The following RNF126 variants were observed in gnomAD, a reference collection of about 807,000 sequenced individuals.
RNF126 encodes the protein ring finger protein 126.
In RNF126, 20 loss-of-function variants were observed where a neutral mutation model predicts 41.9. That is an observed-to-expected ratio of 0.48 (90% CI 0.34 to 0.69). The LOEUF is 0.69. Ranked by LOEUF, RNF126 falls within the 30% of genes least tolerant of loss-of-function variation. The pLI is 0.01. For missense variants in RNF126, 433 were observed against 460.6 expected (o/e 0.94, Z 0.55); for synonymous variants, 239 against 202.9 (o/e 1.18, Z -1.51).
In RNF126 at chr19:652,842, G is replaced by T; in HGVS notation, c.118C>A (p.Leu40Ile). 1 of 1,613,236 alleles carries T rather than the reference G, an allele frequency of 6.2e-7. No individual in the cohort carries two copies. Among genetic ancestry groups the T allele is most frequent in the Non-Finnish European group, 8.5e-7 (1 of 1,179,750 alleles). ...CTGCATTACCTGGTCTCTTCCGGAAGCTCCTCGATAAAACCAGACTCGCAT... is the reference window on the plus strand; with the variant it reads ...CTGCATTACCTGGTCTCTTCCGGAATCTCCTCGATAAAACCAGACTCGCAT... The part of the protein sequence containing the change: ...PRCESGFIEE[L>I]PEETRSTENG... Residue 40 changes from leucine to isoleucine, a missense_variant, in exon 2 of 9, where the codon CTT becomes ATT. By Grantham distance (5) the Leu-to-Ile change is conservative. Around this residue, in one of 5 missense-constraint regions of RNF126, gnomAD observed 247 missense variants for 224.7 expected, o/e 1.10. Transcript: ENST00000292363.
intron 2 of RNF126, 47 bp from the exon 3 acceptor site, chr19:652,343 A>G: frequency 1.4e-6 from 2 of 1,472,892 alleles, no homozygotes; most frequent in Non-Finnish European, 1.8e-6. Flanking sequence ...CTGTGCCCCC[A>G]TGCGCCAGGC....
chr19:653,683 C>T (rs1032888441), intron 1 of RNF126, among the ~76,000 whole-genome samples: 2 of 152,220 alleles, frequency 1.3e-5, no homozygotes, highest in African/African-American at 4.8e-5. Flanking sequence ...TGCATGGTGC[C>T]TCCCGGCCTC....
chr19:663,211 G>T lies in RNF126; in HGVS notation c.-90C>A, dbSNP rs996256345. The T allele has an allele frequency of 3.8e-5, 13 of 338,754 alleles. No homozygotes were observed. Among genetic ancestry groups the T allele is most frequent in the Non-Finnish European group, 5.2e-5 (12 of 229,892 alleles). The allele number at this position is 338,754 out of a possible 1,614,324, so 21.0% of individuals were successfully genotyped here. A position where few individuals can be genotyped will look rare whatever the true frequency, so the allele number is the denominator to read the frequency against. On this transcript the variant is annotated 5_prime_UTR_variant, in exon 1 of 9. Coordinates refer to ENST00000292363, the MANE Select transcript of RNF126 (RefSeq NM_194460.3). ...CTCCCTCGCCGGCCGACGCGCCCGCGCACGCTCACGCACGGCACGCACGGC... is the reference window on the plus strand; with the variant it reads ...CTCCCTCGCCGGCCGACGCGCCCGCTCACGCTCACGCACGGCACGCACGGC...
chr19:650,271 T>C lies in RNF126; in HGVS notation c.469A>G (p.Ile157Val), dbSNP rs2030211937. 2 of 1,582,590 alleles carry C rather than the reference T, an allele frequency of 1.3e-6. No homozygotes were observed. The highest frequency in any genetic ancestry group is 1.3e-5 in the African/African-American group (1 of 74,800). The part of the protein sequence containing the change: ...EGIIQQLVNG[I>V]ITPATIPSLG... ...CTGGGGATGGTGGCGGGCGTGATGA[T>C]GCCGTTGACGAGCTGCTGGATGATC... The change falls in exon 5 of 9, where the codon ATC becomes GTC. Residue 157 changes from isoleucine (I) to valine (V), a missense_variant. Around this residue, in one of 5 missense-constraint regions of RNF126, gnomAD observed 22 missense variants for 45.7 expected, o/e 0.48. Coordinates refer to ENST00000292363, the MANE Select transcript of RNF126 (RefSeq NM_194460.3).
At chr19:661,461 C>CAAGGCTCAG (rs1218475865) in intron 1 of RNF126, 1 of 152,310 alleles carries the variant, frequency 6.6e-6, no homozygotes, top group Non-Finnish European at 1.5e-5. Flanking sequence ...AGGAGTAAGG[C>CAAGGCTCAG]AAGGCTCAGT....
chr19:651,731 G>C lies in RNF126; in HGVS notation c.323C>G (p.Pro108Arg). The part of the protein sequence containing the change: ...PGAQADDGRD[P>R]ESRRERDHPS... ...ATGGTCTCTCTCCCGCCGGCTCTCA[G>C]GGTCCCTGCCGTCGTCAGCCTGCGC... is the stretch of plus-strand genomic sequence containing the variant. Residue 108 changes from proline (P) to arginine (R), a missense_variant, in exon 4 of 9, where the codon CCT becomes CGT. By Grantham distance (103) the Pro-to-Arg change is moderately radical. Around this residue, in one of 5 missense-constraint regions of RNF126, gnomAD observed 247 missense variants for 224.7 expected, o/e 1.10. Transcript: ENST00000292363. 12 of 1,611,978 alleles carry C rather than the reference G, an allele frequency of 7.4e-6. No homozygotes were observed. Among genetic ancestry groups the C allele is most frequent in the Non-Finnish European group, 1.0e-5 (12 of 1,179,582 alleles).
chr19:651,556 G>C, intron 4 of RNF126, 55 bp downstream of exon 4: 7 of 1,375,560 alleles, frequency 5.1e-6, no homozygotes, highest in Non-Finnish European at 6.6e-6. Context: ...CTAAGCGCCA[G>C]AACTTCCGAC....
chr19:648,343 GTGGGGGGGCGGGTGGGC>G lies in RNF126; in HGVS notation c.786+12_786+28del. ...TAGAGGCGGGAGGGCCGCGGTCGGG[GTGGGGGGGCGGGTGGGC>G]GGGGCACTCACCTGCTCCAGCCAGG... On this transcript the variant is annotated intron_variant, in intron 8 of 8. Transcript: ENST00000292363. 2 of 739,582 alleles carry G rather than the reference GTGGGGGGGCGGGTGGGC, an allele frequency of 2.7e-6. No individual in the cohort carries two copies. Among genetic ancestry groups the G allele is most frequent in the Non-Finnish European group, 4.1e-6 (2 of 490,082 alleles). 45.8% of individuals were successfully genotyped at this position (739,582 alleles called of 1,614,324 possible).
At chr19:655,879 G>C (rs2030542770) in intron 1 of RNF126, among the ~76,000 whole-genome samples, 1 of 152,124 alleles carries the variant, frequency 6.6e-6, no homozygotes, top group Admixed American at 6.5e-5. Context: ...ACCAGGCCAC[G>C]GCGGGGGGGA....
chr19:648,356 T>C lies in RNF126; in HGVS notation c.786+16A>G. The C allele has an allele frequency of 3.4e-5, 6 of 174,752 alleles. No individual in the cohort carries two copies. The highest frequency in any genetic ancestry group is 5.7e-5 in the Non-Finnish European group (6 of 105,338). The allele number at this position is 174,752 out of a possible 1,614,324, so 10.8% of individuals were successfully genotyped here. On this transcript the variant is annotated intron_variant, in intron 8 of 8. Transcript: ENST00000292363. ...GCCGCGGTCGGGGTGGGGGGGCGGG[T>C]GGGCGGGGCACTCACCTGCTCCAGC...
chr19:652,801 C>G, intron 2 of RNF126, 25 bp downstream of exon 2: 1 of 1,610,616 alleles, frequency 6.2e-7, no homozygotes, highest in Non-Finnish European at 8.5e-7. Flanking sequence ...GCTCTTCCAG[C>G]CTCTTCAACA....
At chr19:655,788 C>T (rs533932392) in intron 1 of RNF126, among the ~76,000 whole-genome samples, 12 of 152,268 alleles carry the variant, frequency 7.9e-5, no homozygotes, top group Admixed American at 5.2e-4. Context: ...AGTTCATCAT[C>T]GTCGTCGGCA....
At position 652,701 on chromosome 19, in the gene RNF126, G is replaced by C. The variant is rs1183676740; in HGVS notation, c.134+125C>G. The C allele has an allele frequency of 1.2e-5, 10 of 842,070 alleles. 1 individual carries two copies. Among genetic ancestry groups the C allele is most frequent in the Admixed American group, 9.1e-5 (4 of 43,970 alleles). 52.2% of individuals were successfully genotyped at this position (842,070 alleles called of 1,614,324 possible). The stretch of plus-strand genomic sequence containing the variant: ...GTCTGCACAGAGAAAAGTGCTCCCG[G>C]AGCCACAGACACCAGGGCCTGACGG... On this transcript the variant is annotated intron_variant, in intron 2 of 8. Transcript: ENST00000292363.
intron 7 of RNF126, 74 bp downstream of exon 7, chr19:648,807 GA>G: frequency 1.1e-6 from 1 of 904,144 alleles, no homozygotes; most frequent in South Asian, 2.0e-5. Context: ...TGTCTCTACT[GA>G]AAATACAAGT....
chr19:652,538 G>A (rs1568191255), intron 2 of RNF126: 2 of 600,462 alleles, frequency 3.3e-6, no homozygotes, highest in Admixed American at 3.0e-5. Flanking sequence ...TGTGGGTAGG[G>A]CCCCCGTGGC....
intron 6 of RNF126, 31 bp downstream of exon 6, chr19:649,648 G>A (rs1443265899): frequency 1.9e-6 from 3 of 1,539,260 alleles, no homozygotes; most frequent in Admixed American, 1.9e-5. Flanking sequence ...CCCTCCCCCA[G>A]CAGGCACTCT....
At chr19:654,316 C>T (rs990407405) in intron 1 of RNF126, among the ~76,000 whole-genome samples, 2 of 152,196 alleles carry the variant, frequency 1.3e-5, no homozygotes, top group African/African-American at 2.4e-5. Flanking sequence ...GCACCACATG[C>T]GTTTCAGCCC....
In RNF126 at chr19:651,685, G is replaced by A. The variant is rs776996596; in HGVS notation, c.369C>T (p.Gly123=). The A allele has an allele frequency of 1.3e-5, 21 of 1,584,216 alleles. No individual in the cohort carries two copies. In the East Asian group the frequency reaches 2.6e-4, roughly 19 times the overall value. ...ERDHPSRHRY[G]ARQPRARLTT... ...TGAGGCGGGCGCGGGGCTGTCGGGC[G>A]CCGTACCGGTGCCGGGACGGATGGT... is the stretch of plus-strand genomic sequence containing the variant. The change falls in exon 4 of 9, where the codon GGC becomes GGT. Residue 123 remains glycine, a synonymous_variant. Coordinates refer to ENST00000292363, the MANE Select transcript of RNF126 (RefSeq NM_194460.3).
chr19:650,542 C>G, intron 4 of RNF126: 1 of 368,022 alleles, frequency 2.7e-6, no homozygotes. Flanking sequence ...CTCAGCCTCC[C>G]AAGTAGCTGG....
Sources: gnomAD v4.1 joint callset for allele counts (sites outside exome capture counted in the v4.1 genomes callset) on GRCh38, gnomAD v4.1.1 for gene constraint, gnomAD v4.1.1 regional missense constraint, MANE v1.5 for transcripts, NCBI Gene and HGNC (gene_info 2026-07-23, HGNC 2026-07-21) for gene names.